The following XRN1 variants were observed in gnomAD, a reference collection of about 807,000 sequenced individuals.
XRN1 encodes strand-exchange protein 1 homolog.
Under a neutral mutation model 222.3 loss-of-function variants are expected in XRN1, and 67 were observed. The ratio of observed to expected loss-of-function variants is 0.30; its 90% CI spans 0.25 to 0.37. The LOEUF (loss-of-function observed/expected upper bound fraction) is 0.37. Ranked by LOEUF, XRN1 falls within the 10% of genes least tolerant of loss-of-function variation. XRN1 has a pLI of 1.00. For synonymous variants in XRN1, 643 were observed against 652.4 expected, an observed-to-expected ratio of 0.99 and a Z score of 0.22; for missense variants, 1,707 against 2,000.2, an observed-to-expected ratio of 0.85 and a Z score of 2.80.
intron 21 of XRN1, among the ~76,000 whole-genome samples, 182 bp downstream of exon 21, chr3:142,384,341 G>A (rs542398345): frequency 9.3e-5 from 14 of 150,260 alleles, no homozygotes; most frequent in Non-Finnish European, 1.9e-4. Flanking sequence ...TATATATACT[G>A]AGTGTCTGAG....
At chr3:142,431,892 AAT>A (rs1418026466) in intron 2 of XRN1, among the ~76,000 whole-genome samples, 19 of 28,886 alleles carry the variant, frequency 6.6e-4, no homozygotes, top group South Asian at 1.1e-3. Flanking sequence ...TATTATATAT[AAT>A]ATATATATTA....
chr3:142,382,143 TAC>T (rs1042184187), intron 22 of XRN1, among the ~76,000 whole-genome samples: 36 of 152,236 alleles, frequency 2.4e-4, no homozygotes, highest in African/African-American at 7.7e-4. Flanking sequence ...CCTGCATAAT[TAC>T]AGTTTTCGTT....
intron 20 of XRN1, among the ~76,000 whole-genome samples, chr3:142,386,250 T>C (rs1418899879): frequency 6.6e-6 from 1 of 152,028 alleles, no homozygotes; most frequent in East Asian, 1.9e-4. Context: ...GGGCCAGTAT[T>C]TCTCATGAAA....
At chr3:142,427,081 A>G (rs2069288366) in intron 2 of XRN1, among the ~76,000 whole-genome samples, 1 of 152,162 alleles carries the variant, frequency 6.6e-6, no homozygotes, top group Non-Finnish European at 1.5e-5. Context: ...TGTAATCTCA[A>G]TATTTTGGGA....
chr3:142,362,370 T>C (rs1466861003), intron 29 of XRN1, among the ~76,000 whole-genome samples: 2 of 152,102 alleles, frequency 1.3e-5, no homozygotes, highest in Non-Finnish European at 2.9e-5. Flanking sequence ...ACTCCTAACC[T>C]TGTGAGCCGC....
chr3:142,432,215 A>T (rs1236264322), intron 2 of XRN1, among the ~76,000 whole-genome samples: 1 of 108,608 alleles, frequency 9.2e-6, no homozygotes, highest in Non-Finnish European at 2.1e-5. Flanking sequence ...ATAATTAATT[A>T]TATATATAAT....
At chr3:142,400,333 G>A (rs1226823658) in intron 19 of XRN1, 111 bp downstream of exon 19, 1 of 841,132 alleles carries the variant, frequency 1.2e-6, no homozygotes, top group Non-Finnish European at 1.8e-6. Flanking sequence ...TTGGTACAGA[G>A]TGTAAATGTT....
chr3:142,443,932 A>T (rs540919279), intron 1 of XRN1, among the ~76,000 whole-genome samples: 20 of 152,236 alleles, frequency 1.3e-4, no homozygotes, highest in Non-Finnish European at 2.5e-4. Context: ...CTGCAACCAC[A>T]TGGGTGGAAA....
chr3:142,372,945 A>C (rs2067030079), intron 25 of XRN1, among the ~76,000 whole-genome samples: 1 of 152,154 alleles, frequency 6.6e-6, no homozygotes, highest in African/African-American at 2.4e-5. Flanking sequence ...CACCTGATAA[A>C]CCCCACCTAA....
chr3:142,390,291 A>G (rs904957982), intron 20 of XRN1, among the ~76,000 whole-genome samples: 1 of 152,216 alleles, frequency 6.6e-6, no homozygotes, highest in African/African-American at 2.4e-5. Context: ...GCACCTATGG[A>G]AGTCCAGGAT....
intron 1 of XRN1, among the ~76,000 whole-genome samples, chr3:142,437,851 GA>G (rs2069991644): frequency 6.6e-6 from 1 of 152,142 alleles, no homozygotes; most frequent in Non-Finnish European, 1.5e-5. Flanking sequence ...TCTATAGGAT[GA>G]AATCTAATAA....
chr3:142,351,149 C>T lies in XRN1; in HGVS notation c.3769-3807G>A, dbSNP rs138208891. On this transcript the variant is annotated intron_variant, in intron 32 of 40. Coordinates refer to ENST00000392981, the MANE Select transcript of XRN1 (RefSeq NM_001282857.2). ...TCTATCTATGTATCTATCTATGTAT[C>T]TATGTATCTATCTATCTATCTATCT... is the stretch of plus-strand genomic sequence containing the variant. Among the ~76,000 whole-genome samples the T allele has an allele frequency of 5.5e-3, 835 of 151,916 alleles. 13 individuals carry two copies. The highest frequency in any genetic ancestry group is 0.015 in the Admixed American group (224 of 15,260).
intron 15 of XRN1, among the ~76,000 whole-genome samples, chr3:142,406,312 T>C (rs1026523852): frequency 4.6e-5 from 7 of 152,238 alleles, no homozygotes; most frequent in Admixed American, 1.3e-4. Context: ...TGCAGAAGAA[T>C]AAAACTGGAC....
chr3:142,399,873 G>GA (rs529061843), intron 19 of XRN1, among the ~76,000 whole-genome samples: 4 of 148,404 alleles, frequency 2.7e-5, no homozygotes, highest in African/African-American at 4.9e-5. Context: ...CATCTTCTCT[G>GA]AAAAAAAATT....
intron 1 of XRN1, among the ~76,000 whole-genome samples, chr3:142,437,517 C>A (rs1458820542): frequency 3.9e-5 from 6 of 152,176 alleles, no homozygotes; most frequent in African/African-American, 1.2e-4. Flanking sequence ...CATAAAAGGT[C>A]CTGCATGATT....
In XRN1 at chr3:142,417,016, G is replaced by GA. The variant is rs11291353; in HGVS notation, c.1436+123dup. On this transcript the variant is annotated intron_variant, in intron 13 of 40. Coordinates refer to ENST00000392981, the MANE Select transcript of XRN1 (RefSeq NM_001282857.2). ...TGCACTCCAGCCTGGGCAACAGAGT[G>GA]AAAAAAAAAAAAAAAAAAAAATTAC... 9.0e-3 allele frequency: 2,775 copies of GA among 307,128 alleles called. 2 individuals carry two copies. The highest frequency in any genetic ancestry group is 0.012 in the Middle Eastern group (11 of 938). The allele number at this position is 307,128 out of a possible 1,614,324, so 19.0% of individuals were successfully genotyped here.
intron 36 of XRN1, 101 bp downstream of exon 36, chr3:142,332,274 A>G: frequency 3.1e-6 from 3 of 967,728 alleles, no homozygotes; most frequent in Non-Finnish European, 4.4e-6. Flanking sequence ...AAATACATTA[A>G]AATAAAAGCA....
chr3:142,421,428 A>AT (rs2069028236), intron 9 of XRN1, 48 bp downstream of exon 9: 1 of 1,463,866 alleles, frequency 6.8e-7, no homozygotes, highest in African/African-American at 1.4e-5. Context: ...GTGACTGATC[A>AT]TTTACAGCTA....
chr3:142,404,609 T>C (rs2068275609), intron 16 of XRN1, among the ~76,000 whole-genome samples: 1 of 152,002 alleles, frequency 6.6e-6, no homozygotes, highest in East Asian at 1.9e-4. Flanking sequence ...CACATATCCA[T>C]TCGAGGGAGA....
Sources: gnomAD v4.1 joint callset for allele counts (sites outside exome capture counted in the v4.1 genomes callset) on GRCh38, gnomAD v4.1.1 for gene constraint, MANE v1.5 for transcripts, NCBI Gene and HGNC (gene_info 2026-07-23, HGNC 2026-07-21) for gene names.